ATP13A3: variants seen among roughly 807,000 people sequenced by gnomAD.
ATP13A3 encodes the protein ATPase 13A3, also known as polyamine-transporting ATPase 13A3.
In ATP13A3, 59 loss-of-function variants were observed where a neutral mutation model predicts 158.1. The ratio of observed to expected loss-of-function variants is 0.37; its 90% CI spans 0.30 to 0.46. ATP13A3 has a LOEUF of 0.46. ATP13A3 is among the 20% of genes least tolerant of loss of function. The pLI, the probability that ATP13A3 is intolerant of heterozygous loss-of-function variation, is 1.00. For synonymous variants in ATP13A3, 491 were observed against 504.3 expected (o/e 0.97, Z 0.35); for missense variants, 1,166 against 1,525.2 (o/e 0.76, Z 3.92).
intron 3 of ATP13A3, among the ~76,000 whole-genome samples, chr3:194,461,413 T>C (rs192301979): frequency 6.6e-6 from 1 of 152,324 alleles, no homozygotes; most frequent in Non-Finnish European, 1.5e-5. Flanking sequence ...TTATTTCTGT[T>C]GCACAATATA....
In ATP13A3 at chr3:194,405,135, T is replaced by A. The variant is rs1714845921; in HGVS notation, c.*784A>T. ...CTACTGCCGAAAGAAATGAATCTTA[T>A]TTCCTAGTGAAAAAGGTTCTACAAC... On this transcript the variant is annotated 3_prime_UTR_variant, in exon 34 of 34. Coordinates refer to ENST00000645319, the MANE Select transcript of ATP13A3 (RefSeq NM_001367549.1). 6.6e-6 allele frequency: 1 copy of A among 152,240 alleles called. No homozygotes were observed. The highest frequency in any genetic ancestry group is 1.5e-5 in the Non-Finnish European group (1 of 68,046). 9.4% of individuals were successfully genotyped at this position (152,240 alleles called of 1,614,324 possible). A position where few individuals can be genotyped will look rare whatever the true frequency, so the allele number is the denominator to read the frequency against.
intron 13 of ATP13A3, among the ~76,000 whole-genome samples, 181 bp from the exon 14 acceptor site, chr3:194,447,296 TAAAA>T (rs745318675): frequency 6.6e-6 from 1 of 152,142 alleles, no homozygotes; most frequent in Non-Finnish European, 1.5e-5. Flanking sequence ...TTCTGCAAAA[TAAAA>T]AAGCTCAATG....
At position 194,405,650 on chromosome 3, in the gene ATP13A3, G is replaced by A; in HGVS notation, c.*269C>T. ...CCCAATATAAAGAATATCACTGAAA[G>A]TAACAATCAAGAAAATTCTGGAAAT... On this transcript the variant is annotated 3_prime_UTR_variant, in exon 34 of 34. Transcript: ENST00000645319. 2.7e-6 allele frequency: 1 copy of A among 372,736 alleles called. No homozygotes were observed. Among genetic ancestry groups the A allele is most frequent in the Non-Finnish European group, 4.9e-6 (1 of 203,138 alleles). 23.1% of individuals were successfully genotyped at this position (372,736 alleles called of 1,614,324 possible).
At chr3:194,453,247 C>T (rs963004717) in intron 10 of ATP13A3, among the ~76,000 whole-genome samples, 1 of 143,934 alleles carries the variant, frequency 6.9e-6, no homozygotes, top group Non-Finnish European at 1.5e-5. Flanking sequence ...CCACTGCACT[C>T]AGGCCTGTGC....
intron 16 of ATP13A3, 61 bp downstream of exon 16, chr3:194,441,249 GT>G (rs1451207791): frequency 3.7e-6 from 5 of 1,334,344 alleles, no homozygotes; most frequent in Non-Finnish European, 5.2e-6. Flanking sequence ...CTTGTATGAG[GT>G]AATTTAATTT....
chr3:194,486,146 C>G (rs748386747), intron 1 of ATP13A3, among the ~76,000 whole-genome samples: 1 of 152,178 alleles, frequency 6.6e-6, no homozygotes, highest in Non-Finnish European at 1.5e-5. Flanking sequence ...TTTTCCTCCA[C>G]GGGACTCACT....
intron 33 of ATP13A3, among the ~76,000 whole-genome samples, chr3:194,407,090 A>AAC (rs1714994306): frequency 6.6e-6 from 1 of 152,330 alleles, no homozygotes; most frequent in African/African-American, 2.4e-5. Flanking sequence ...TAGAGGGCTG[A>AAC]AAAGGGCCCT....
chr3:194,459,265 C>T lies in ATP13A3; in HGVS notation c.479+206G>A. Reference sequence around the variant, plus strand: ...ATACTGACTCTAAGTTTCATGTAAACTCTGCCATGGTGCAAGCTGCGGTGG... The same window carrying T: ...ATACTGACTCTAAGTTTCATGTAAATTCTGCCATGGTGCAAGCTGCGGTGG... On this transcript the variant is annotated intron_variant, in intron 6 of 33. Transcript: ENST00000645319. 3 of 523,294 alleles carry T rather than the reference C, an allele frequency of 5.7e-6. No individual in the cohort carries two copies. The South Asian group carries it at 6.7e-5, about 12-fold the overall frequency. The allele number at this position is 523,294 out of a possible 1,614,324, so 32.4% of individuals were successfully genotyped here. A position where few individuals can be genotyped will look rare whatever the true frequency, so the allele number is the denominator to read the frequency against.
chr3:194,434,604 T>C (rs1577052060), intron 20 of ATP13A3, among the ~76,000 whole-genome samples: 1 of 152,306 alleles, frequency 6.6e-6, no homozygotes, highest in East Asian at 1.9e-4. Flanking sequence ...TGAAGTCTGT[T>C]CAGTGATAGT....
At chr3:194,481,105 G>C (rs1421086906) in intron 2 of ATP13A3, among the ~76,000 whole-genome samples, 1 of 152,040 alleles carries the variant, frequency 6.6e-6, no homozygotes, top group Non-Finnish European at 1.5e-5. Flanking sequence ...GGCCCCATGA[G>C]CAGTGATTGC....
At chr3:194,413,619 A>G in intron 32 of ATP13A3, 140 bp downstream of exon 32, 2 of 761,234 alleles carry the variant, frequency 2.6e-6, no homozygotes, top group East Asian at 2.5e-5. Flanking sequence ...TCACAAGAGA[A>G]GGCTAAATGA....
chr3:194,436,142 T>G (rs1310541624), intron 20 of ATP13A3, among the ~76,000 whole-genome samples: 1 of 152,056 alleles, frequency 6.6e-6, no homozygotes, highest in Non-Finnish European at 1.5e-5. Context: ...TTTTTTAAAC[T>G]CATGCTTAGA....
chr3:194,468,378 T>C (rs1323831398), intron 2 of ATP13A3: 1 of 124,702 alleles, frequency 8.0e-6, no homozygotes, highest in East Asian at 2.0e-4. Context: ...TGATTTGCTG[T>C]GTGAGTTTAA....
chr3:194,430,157 T>C lies in ATP13A3; in HGVS notation c.2692A>G (p.Ile898Val). Reference protein sequence around the residue: ...CGALKRAHGGISLSELEASVA... With the variant: ...CGALKRAHGGVSLSELEASVA... ...GAAGCTTCGAGCTCCGATAAGGAAA[T>C]GCCTCCGTGTGCCCTCTTCAAAGCC... Residue 898 changes from isoleucine (I) to valine (V), a missense_variant, in exon 26 of 34, where the codon ATT becomes GTT. Ile to Val is a conservative substitution (Grantham distance 29, BLOSUM62 3). This residue lies in a region of ATP13A3 where 997 missense variants were observed against 1,341.2 expected (regional missense o/e 0.74). Transcript: ENST00000645319. The C allele has an allele frequency of 6.2e-7, 1 of 1,614,074 alleles. No individual in the cohort carries two copies. The highest frequency in any genetic ancestry group is 8.5e-7 in the Non-Finnish European group (1 of 1,180,000).
At chr3:194,487,135 T>C (rs911214997), upstream of ATP13A3, 1 of 152,076 alleles carries the variant, frequency 6.6e-6, no homozygotes, top group South Asian at 2.1e-4. Flanking sequence ...CCCATCGCCT[T>C]TGCCACCCTC....
rs1025218904 is a variant in ATP13A3 at position 194,446,836 on chromosome 3, A to T, written c.1497+91T>A. The stretch of plus-strand genomic sequence containing the variant: ...TAGAGGAACATGACAGAATGTGTCC[A>T]AATTTGTTGACAAAGAAAATAAAAA... On this transcript the variant is annotated intron_variant, in intron 14 of 33. Coordinates refer to ENST00000645319, the MANE Select transcript of ATP13A3 (RefSeq NM_001367549.1). 4 of 1,272,858 alleles carry T rather than the reference A, an allele frequency of 3.1e-6. No individual in the cohort carries two copies. In the African/African-American group the frequency reaches 6.1e-5, roughly 19 times the overall value. The allele number at this position is 1,272,858 out of a possible 1,614,324, so 78.8% of individuals were successfully genotyped here.
At chr3:194,460,942 C>T (rs1272609095) in intron 3 of ATP13A3, 111 bp from the exon 4 acceptor site, 4 of 1,138,504 alleles carry the variant, frequency 3.5e-6, no homozygotes, top group Non-Finnish European at 4.8e-6. Context: ...TGTCTTGTCA[C>T]ATAAACTGTA....
chr3:194,446,970 C>A lies in ATP13A3; in HGVS notation c.1454G>T (p.Arg485Ile), dbSNP rs1162970033. ...KIGIFCISPQRINICGQLNLV... is the reference protein window; with the variant it reads ...KIGIFCISPQIINICGQLNLV... ...ATTGAGCTGTCCACAAATATTTATT[C>A]TTTGAGGACTGATACAGAAAATACC... The change falls in exon 14 of 34, where the codon AGA becomes ATA. Residue 485 changes from arginine to isoleucine, a missense_variant. Transcript: ENST00000645319. 1 of 1,613,240 alleles carries A rather than the reference C, an allele frequency of 6.2e-7. No individual in the cohort carries two copies. The highest frequency in any genetic ancestry group is 1.7e-5 in the Admixed American group (1 of 59,636).
intron 17 of ATP13A3, among the ~76,000 whole-genome samples, chr3:194,438,032 C>T (rs548718461): frequency 7.9e-5 from 12 of 152,092 alleles, no homozygotes; most frequent in East Asian, 5.8e-4. Flanking sequence ...TGGTGGCGTG[C>T]GCCTGTAATA....
Sources: gnomAD v4.1 joint callset for allele counts (sites outside exome capture counted in the v4.1 genomes callset) on GRCh38, gnomAD v4.1.1 for gene constraint, gnomAD v4.1.1 regional missense constraint, MANE v1.5 for transcripts, NCBI Gene and HGNC (gene_info 2026-07-23, HGNC 2026-07-21) for gene names.